The following EDC3 variants were observed in gnomAD, a reference collection of about 807,000 sequenced individuals.
The protein encoded by EDC3 is enhancer of mRNA decapping 3, also known as enhancer of mRNA-decapping protein 3.
A neutral mutation model predicts 41.8 loss-of-function variants in EDC3; 20 were observed. The observed-to-expected ratio is 0.48, with a 90% confidence interval of 0.34 to 0.70. The LOEUF is 0.70. Ranked by LOEUF, EDC3 falls within the 30% of genes least tolerant of loss-of-function variation. EDC3 has a pLI of 0.01. For synonymous variants in EDC3, 206 were observed against 243.2 expected (o/e 0.85, Z 1.42); for missense variants, 444 against 636.8 (o/e 0.70, Z 3.26).
Position 74,671,118 on chromosome 15 carries a change from A to T in EDC3, c.484+337T>A, listed in dbSNP as rs1175509628. On this transcript the variant is annotated intron_variant, in intron 3 of 6. Transcript: ENST00000315127. This position sits in a 1 kb window ranked among gnomAD's most constrained non-coding sequence, Gnocchi z 4.6. ...TGGGCTCAAACAATCCTCCTGCCTC[A>T]ACCTCTCAAGTAGCTGGGACTATAG... 6.6e-6 allele frequency among the ~76,000 whole-genome samples: 1 copy of T among 152,042 alleles called. No homozygotes were observed. Among genetic ancestry groups the T allele is most frequent in the African/African-American group, 2.4e-5 (1 of 41,388 alleles).
At chr15:74,659,670 A>T (rs1439528103) in intron 3 of EDC3, among the ~76,000 whole-genome samples, 1 of 151,288 alleles carries the variant, frequency 6.6e-6, no homozygotes, top group East Asian at 2.0e-4. Context: ...CAGGAGTTTG[A>T]GACCAGCTTG....
At chr15:74,688,428 T>C (rs1035165806) in intron 1 of EDC3, among the ~76,000 whole-genome samples, 1 of 152,240 alleles carries the variant, frequency 6.6e-6, no homozygotes, top group Non-Finnish European at 1.5e-5. Context: ...AATTCACCCA[T>C]GTGACCACCA....
At chr15:74,666,523 C>A (rs147278243) in intron 3 of EDC3, among the ~76,000 whole-genome samples, 1 of 152,168 alleles carries the variant, frequency 6.6e-6, no homozygotes, top group Non-Finnish European at 1.5e-5. Context: ...AAAGAAATGA[C>A]CTATCAAGTC....
chr15:74,678,318 T>C (rs2062829486), intron 1 of EDC3, among the ~76,000 whole-genome samples: 1 of 152,124 alleles, frequency 6.6e-6, no homozygotes, highest in African/African-American at 2.4e-5. Flanking sequence ...CAGAGAGGGC[T>C]TACTGGGGGA....
At chr15:74,640,251 T>A in intron 5 of EDC3, 1 of 542,220 alleles carries the variant, frequency 1.8e-6, no homozygotes, top group Non-Finnish European at 3.2e-6. Context: ...AAAAGGCAGC[T>A]TGCCAGAAGA....
At chr15:74,665,860 C>T (rs1382138547) in intron 3 of EDC3, among the ~76,000 whole-genome samples, 1 of 149,466 alleles carries the variant, frequency 6.7e-6, no homozygotes, top group Non-Finnish European at 1.5e-5. Flanking sequence ...GGCAGTGGCA[C>T]AATCTCAGCT....
intron 4 of EDC3, among the ~76,000 whole-genome samples, chr15:74,652,053 T>C (rs1239378408): frequency 1.3e-5 from 2 of 152,198 alleles, no homozygotes; most frequent in Non-Finnish European, 2.9e-5. Context: ...GAGAATATCA[T>C]ACCTGCATAT....
chr15:74,647,320 ACT>A (rs1204823915), intron 4 of EDC3, among the ~76,000 whole-genome samples: 2 of 152,098 alleles, frequency 1.3e-5, no homozygotes, highest in Non-Finnish European at 2.9e-5. Flanking sequence ...CTCCTTTCTC[ACT>A]CTGTCTAGGC....
chr15:74,651,937 C>A (rs949976016), intron 4 of EDC3, among the ~76,000 whole-genome samples: 1 of 152,208 alleles, frequency 6.6e-6, no homozygotes, highest in Admixed American at 6.5e-5. Context: ...CACTAGCCTA[C>A]AGTTGGGCAA....
At chr15:74,641,646 A>C (rs561172904) in intron 4 of EDC3, 1 of 152,712 alleles carries the variant, frequency 6.5e-6, no homozygotes, top group African/African-American at 2.4e-5. Flanking sequence ...CCAGTGGACC[A>C]ACCAACGCAG....
At chr15:74,674,413 G>A (rs1433852082) in intron 2 of EDC3, among the ~76,000 whole-genome samples, 1 of 152,210 alleles carries the variant, frequency 6.6e-6, no homozygotes, top group African/African-American at 2.4e-5. Flanking sequence ...CCATCAGGGA[G>A]CATTCAAATG....
Position 74,635,760 on chromosome 15 carries a change from G to A in EDC3, c.975-134C>T, listed in dbSNP as rs568662194. ...TGCTCACCAAGTCCCAGGCTCCAGA[G>A]GGGGACAAAATCCACTGCAGGCCAG... On this transcript the variant is annotated intron_variant, in intron 5 of 6. Transcript: ENST00000315127. 11 of 847,310 alleles carry A rather than the reference G, an allele frequency of 1.3e-5. 1 individual carries two copies. Among genetic ancestry groups the A allele is most frequent in the South Asian group, 1.2e-4 (7 of 56,328 alleles). 52.5% of individuals were successfully genotyped at this position (847,310 alleles called of 1,614,324 possible).
chr15:74,691,801 T>C (rs1271764868), intron 1 of EDC3, among the ~76,000 whole-genome samples: 1 of 152,176 alleles, frequency 6.6e-6, no homozygotes, highest in Non-Finnish European at 1.5e-5. Flanking sequence ...TTGCATATTA[T>C]CTACGGCTAT....
chr15:74,687,989 TA>T (rs2062958161), intron 1 of EDC3, among the ~76,000 whole-genome samples: 1 of 152,242 alleles, frequency 6.6e-6, no homozygotes, highest in Non-Finnish European at 1.5e-5. Context: ...ATAGAATTTT[TA>T]ACACTTTGAA....
intron 1 of EDC3, among the ~76,000 whole-genome samples, chr15:74,683,009 C>T (rs894905774): frequency 2.0e-5 from 3 of 151,706 alleles, no homozygotes; most frequent in African/African-American, 4.8e-5. Flanking sequence ...GCAACAAGAG[C>T]GAAACTCTGT....
intron 1 of EDC3, among the ~76,000 whole-genome samples, chr15:74,691,081 G>A (rs930011737): frequency 6.0e-5 from 9 of 150,840 alleles, no homozygotes; most frequent in African/African-American, 2.2e-4. Flanking sequence ...AGGTTGCAGT[G>A]AGCCAAGATT....
chr15:74,641,857 T>C (rs2062355983), intron 4 of EDC3: 1 of 152,816 alleles, frequency 6.5e-6, no homozygotes, highest in African/African-American at 2.4e-5. Context: ...TCTTATCAGG[T>C]CCTCAGACAT....
intron 1 of EDC3, among the ~76,000 whole-genome samples, chr15:74,681,942 A>C (rs1233718476): frequency 6.6e-6 from 1 of 152,230 alleles, no homozygotes; most frequent in Non-Finnish European, 1.5e-5. Flanking sequence ...ACAAAAAACA[A>C]GTCACAGACT....
chr15:74,637,608 A>AG (rs2062289686), intron 5 of EDC3: 1 of 152,248 alleles, frequency 6.6e-6, no homozygotes, highest in South Asian at 2.1e-4. Flanking sequence ...AAATAGGATG[A>AG]GGGAGGTGGA....
Sources: gnomAD v4.1 joint callset for allele counts (sites outside exome capture counted in the v4.1 genomes callset) on GRCh38, gnomAD v4.1.1 for gene constraint, Gnocchi (gnomAD v3.1) non-coding constraint, MANE v1.5 for transcripts, NCBI Gene and HGNC (gene_info 2026-07-23, HGNC 2026-07-21) for gene names.